Variants in DOCK10 observed in about 807,000 individuals in gnomAD.
DOCK10 encodes dedicator of cytokinesis 10.
DOCK10 carries 145 observed loss-of-function variants against 280.1 expected under a neutral mutation model. The ratio of observed to expected loss-of-function variants is 0.52; its 90% CI spans 0.45 to 0.59. DOCK10 has a LOEUF of 0.59. Among genes scored for constraint, DOCK10 ranks in the 20% least tolerant of loss-of-function variants. The probability of loss-of-function intolerance (pLI) is 0.00; values close to 1 mark genes in which losing one functional copy is unlikely to be tolerated. For synonymous variants in DOCK10, 915 were observed against 942.2 expected (o/e 0.97, Z 0.53); for missense variants, 2,368 against 2,651.7 (o/e 0.89, Z 2.35).
chr2:225,005,776 T>C (rs2940191), intron 1 of DOCK10, among the ~76,000 whole-genome samples: 128,027 of 152,244 alleles, frequency 0.84, 54,155 homozygotes, highest in African/African-American at 0.93. Context: ...GACAAACTAA[T>C]GTTAAATTGA....
intron 48 of DOCK10, among the ~76,000 whole-genome samples, chr2:224,788,341 T>C (rs954804217): frequency 3.3e-5 from 5 of 152,222 alleles, no homozygotes; most frequent in Non-Finnish European, 7.3e-5. Context: ...AAATGTATGA[T>C]ATTATTGGAA....
At chr2:224,978,262 G>A (rs895044136) in intron 1 of DOCK10, among the ~76,000 whole-genome samples, 2 of 152,006 alleles carry the variant, frequency 1.3e-5, no homozygotes, top group East Asian at 1.9e-4. Flanking sequence ...GTGATACCTC[G>A]TCTCTATTAA....
At chr2:224,802,117 G>A in intron 39 of DOCK10, 77 bp from the exon 40 acceptor site, 4 of 1,435,550 alleles carry the variant, frequency 2.8e-6, no homozygotes, top group Non-Finnish European at 3.8e-6. Context: ...ATTCTCAAAT[G>A]TTCTAGATTG....
chr2:224,963,566 C>T lies in DOCK10; in HGVS notation c.124-31898G>A, dbSNP rs115918893. Among the ~76,000 whole-genome samples, 542 of 152,210 alleles carry T rather than the reference C, an allele frequency of 3.6e-3. 2 individuals carry two copies. The highest frequency in any genetic ancestry group is 0.012 in the African/African-American group (517 of 41,532). ...CTTCTTTAATTTAAAAGAATAAAAA[C>T]CATTTTGAGGCAGAGTCAGCTCATG... On this transcript the variant is annotated intron_variant, in intron 1 of 55. Transcript: ENST00000258390.
chr2:225,005,037 T>A (rs1473295863), intron 1 of DOCK10, among the ~76,000 whole-genome samples: 1 of 152,230 alleles, frequency 6.6e-6, no homozygotes, highest in Non-Finnish European at 1.5e-5. Context: ...GAAACTAATT[T>A]TAGAAAAGAG....
chr2:224,988,614 C>T (rs1202650723), intron 1 of DOCK10, among the ~76,000 whole-genome samples: 9 of 152,112 alleles, frequency 5.9e-5, no homozygotes, highest in Admixed American at 1.3e-4. Flanking sequence ...ATGTGGCAGG[C>T]GGTAGTGAGG....
At chr2:224,857,999 T>A (rs562346061) in intron 14 of DOCK10, among the ~76,000 whole-genome samples, 1 of 152,264 alleles carries the variant, frequency 6.6e-6, no homozygotes, top group Non-Finnish European at 1.5e-5. Flanking sequence ...CTCTGTTAAG[T>A]AGTGAATGAG....
chr2:224,931,405 TTA>T, intron 2 of DOCK10, 142 bp downstream of exon 2: 1 of 909,548 alleles, frequency 1.1e-6, no homozygotes, highest in Non-Finnish European at 1.5e-6. Flanking sequence ...GTACTTTCTA[TTA>T]TAGGATGTGA....
rs35303687 is a variant in DOCK10 at position 224,979,963 on chromosome 2, T to TAAA, written c.124-48298_124-48296dup. On this transcript the variant is annotated intron_variant, in intron 1 of 55. Transcript: ENST00000258390. ...TCTGGCTCCAGAGTCTGTGATCTTA[T>TAAA]AAAAAAAAAAAATCAATATACAATA... is the stretch of plus-strand genomic sequence containing the variant. Among the ~76,000 whole-genome samples the TAAA allele has an allele frequency of 1.7e-3, 257 of 149,072 alleles. 2 individuals carry two copies. Among genetic ancestry groups the TAAA allele is most frequent in the East Asian group, 3.6e-3 (18 of 5,070 alleles).
At position 224,808,015 on chromosome 2, in the gene DOCK10, C is replaced by T. The variant is rs1225586982; in HGVS notation, c.3481G>A (p.Val1161Ile). 1 of 1,612,750 alleles carries T rather than the reference C, an allele frequency of 6.2e-7. No homozygotes were observed. Among genetic ancestry groups the T allele is most frequent in the Non-Finnish European group, 8.5e-7 (1 of 1,179,368 alleles). The change falls in exon 32 of 56, where the codon GTT becomes ATT. Residue 1161 changes from valine to isoleucine, a missense_variant. By Grantham distance (29) the Val-to-Ile change is conservative (BLOSUM62 3). Transcript: ENST00000258390. ...HFLIGILLRE[V>I]GFALQEDQDV... ...TGGTCTTCCTGCAGGGCAAAGCCAA[C>T]TTCTCGGAGCAGAATTCCGATTAAG...
chr2:224,780,140 A>T (rs1254912646), intron 50 of DOCK10, among the ~76,000 whole-genome samples: 1 of 152,248 alleles, frequency 6.6e-6, no homozygotes, highest in Non-Finnish European at 1.5e-5. Context: ...TTCAAGACAA[A>T]ATGCAAGTAA....
intron 3 of DOCK10, among the ~76,000 whole-genome samples, chr2:224,901,321 G>T (rs965093555): frequency 1.3e-5 from 2 of 152,072 alleles, no homozygotes; most frequent in East Asian, 3.9e-4. Context: ...CCAGCCCACG[G>T]CACCTGTTTC....
chr2:224,808,217 A>G, intron 31 of DOCK10, 131 bp from the exon 32 acceptor site: 1 of 827,372 alleles, frequency 1.2e-6, no homozygotes, highest in Admixed American at 2.6e-5. Context: ...CAGTCTTGCT[A>G]CAGAAATGAG....
intron 1 of DOCK10, among the ~76,000 whole-genome samples, chr2:224,964,689 A>C (rs1376931243): frequency 3.9e-5 from 6 of 152,140 alleles, no homozygotes; most frequent in Non-Finnish European, 8.8e-5. Flanking sequence ...AATATTTCTA[A>C]GAAAAGGTGA....
chr2:224,862,596 C>A, intron 14 of DOCK10, 68 bp downstream of exon 14: 2 of 1,354,202 alleles, frequency 1.5e-6, no homozygotes, highest in South Asian at 2.4e-5. Flanking sequence ...CAAAAACGTT[C>A]AAAACTGAAG....
chr2:225,026,053 G>A (rs1015265832), intron 1 of DOCK10, among the ~76,000 whole-genome samples: 1 of 152,074 alleles, frequency 6.6e-6, no homozygotes, highest in African/African-American at 2.4e-5. Context: ...AATTAGTTGG[G>A]TCTTGAAAGG....
chr2:224,912,940 C>T (rs769225229), intron 3 of DOCK10, among the ~76,000 whole-genome samples: 8 of 152,176 alleles, frequency 5.3e-5, no homozygotes, highest in South Asian at 2.1e-4. Flanking sequence ...GCAGGAAAAT[C>T]GCTTGAGCCC....
At chr2:224,976,682 T>TAAAA in intron 1 of DOCK10, among the ~76,000 whole-genome samples, 1 of 130,266 alleles carries the variant, frequency 7.7e-6, no homozygotes, top group Non-Finnish European at 1.6e-5. Flanking sequence ...CAAAGTTAAT[T>TAAAA]AAAAAAAAAA....
chr2:225,009,445 T>C (rs529895810), intron 1 of DOCK10, among the ~76,000 whole-genome samples: 1 of 152,126 alleles, frequency 6.6e-6, no homozygotes, highest in South Asian at 2.1e-4. Flanking sequence ...TGTCCACTTA[T>C]TAGCTTCAAT....
Sources: allele counts gnomAD v4.1 joint callset (sites outside exome capture counted in the v4.1 genomes callset), GRCh38; gene constraint gnomAD v4.1.1; transcripts MANE v1.5; gene names NCBI Gene and HGNC (gene_info 2026-07-23, HGNC 2026-07-21).